SPACA1: variants seen among roughly 807,000 people sequenced by gnomAD.
The protein encoded by SPACA1 is sperm acrosome associated 1, also known as sperm acrosome membrane-associated protein 1.
In SPACA1, 17 loss-of-function variants were observed where a neutral mutation model predicts 32.6. The observed-to-expected ratio is 0.52, with a 90% CI of 0.36 to 0.78. SPACA1 has a LOEUF of 0.78. SPACA1 is among the 30% of genes least tolerant of loss of function. SPACA1 has a pLI of 0.01. For missense variants in SPACA1, 363 were observed against 373.4 expected (o/e 0.97, Z 0.23); for synonymous variants, 140 against 138.1 (o/e 1.01, Z -0.10).
chr6:88,054,799 GC>G (rs1562478633), intron 2 of SPACA1, among the ~76,000 whole-genome samples: 1 of 152,070 alleles, frequency 6.6e-6, no homozygotes, highest in Non-Finnish European at 1.5e-5. Flanking sequence ...ATTTGGAGAA[GC>G]TTTTTAAAAT....
chr6:88,060,624 A>C (rs1300500141), intron 5 of SPACA1, among the ~76,000 whole-genome samples: 7 of 152,212 alleles, frequency 4.6e-5, no homozygotes, highest in African/African-American at 1.7e-4. Flanking sequence ...AAAGCTAATA[A>C]TCTTATTCCT....
chr6:88,055,264 A>AT (rs1187931596), intron 2 of SPACA1, among the ~76,000 whole-genome samples: 1 of 152,154 alleles, frequency 6.6e-6, no homozygotes, highest in Admixed American at 6.5e-5. Context: ...TCAAATGATT[A>AT]TTTTTTTAAA....
intron 1 of SPACA1, among the ~76,000 whole-genome samples, chr6:88,050,345 G>C (rs1261835740): frequency 6.6e-6 from 1 of 151,992 alleles, no homozygotes; most frequent in African/African-American, 2.4e-5. Flanking sequence ...TTAAGTTAGA[G>C]AAAATTCATC....
chr6:88,062,976 T>C (rs1410491828), intron 5 of SPACA1, among the ~76,000 whole-genome samples: 1 of 152,198 alleles, frequency 6.6e-6, no homozygotes, highest in Non-Finnish European at 1.5e-5. Context: ...TTCTTAGACA[T>C]AATTCAGAAA....
rs1402125108 is a variant in SPACA1, at chr6:88,057,614, A to G, written c.268A>G (p.Ile90Val). The G allele has an allele frequency of 1.2e-6, 2 of 1,607,766 alleles. No individual in the cohort carries two copies. The highest frequency in any genetic ancestry group is 1.7e-6 in the Non-Finnish European group (2 of 1,174,372). Residue 90 changes from isoleucine to valine, a missense_variant and splice_region_variant, in exon 3 of 7, where the codon ATT (isoleucine) becomes GTT (valine). Coordinates refer to ENST00000237201, the MANE Select transcript of SPACA1 (RefSeq NM_030960.3). ...CCTTTTTAAATTTTAAACCAAAGGT[A>G]TTGGTGTTAGAGAAGTTATATTAAC... is the stretch of plus-strand genomic sequence containing the variant. Reference protein sequence around the residue: ...EFGMCTVTCGIGVREVILTNG... With the variant: ...EFGMCTVTCGVGVREVILTNG...
intron 5 of SPACA1, among the ~76,000 whole-genome samples, chr6:88,061,139 G>A (rs977214055): frequency 6.6e-6 from 1 of 152,202 alleles, no homozygotes; most frequent in Non-Finnish European, 1.5e-5. Flanking sequence ...TATGGTACTA[G>A]CATGAAACAA....
chr6:88,050,951 T>C (rs1279845611), intron 1 of SPACA1, among the ~76,000 whole-genome samples: 1 of 152,088 alleles, frequency 6.6e-6, no homozygotes, highest in Non-Finnish European at 1.5e-5. Flanking sequence ...ATCGAGAGCA[T>C]CCTGGCTAAC....
At chr6:88,053,425 C>T (rs1381119251) in intron 1 of SPACA1, among the ~76,000 whole-genome samples, 2 of 152,164 alleles carry the variant, frequency 1.3e-5, no homozygotes, top group South Asian at 4.1e-4. Context: ...CCTATACTAA[C>T]CTTGTAAAGT....
At position 88,066,363 on chromosome 6, in the gene SPACA1, G is replaced by C. The variant is rs768406368; in HGVS notation, c.*28G>C. On this transcript the variant is annotated 3_prime_UTR_variant, in exon 7 of 7. Transcript: ENST00000237201. ...TTTGAATGATATATAACAAACCAAAGGATATTACAGAATATTAGATTCATT... is the reference window on the plus strand; with the variant it reads ...TTTGAATGATATATAACAAACCAAACGATATTACAGAATATTAGATTCATT... 1 of 1,554,698 alleles carries C rather than the reference G, an allele frequency of 6.4e-7. No homozygotes were observed. Among genetic ancestry groups the C allele is most frequent in the Non-Finnish European group, 8.7e-7 (1 of 1,146,834 alleles).
At chr6:88,060,729 C>A (rs1303075114) in intron 5 of SPACA1, among the ~76,000 whole-genome samples, 3 of 152,124 alleles carry the variant, frequency 2.0e-5, no homozygotes, top group African/African-American at 7.2e-5. Flanking sequence ...AAAAATATCT[C>A]AACTAGCCCT....
intron 6 of SPACA1, 51 bp downstream of exon 6, chr6:88,064,270 C>G (rs768950093): frequency 1.5e-5 from 24 of 1,563,692 alleles, no homozygotes; most frequent in Non-Finnish European, 4.3e-6. Flanking sequence ...TCCTCTTCTT[C>G]CCCCTCCTCA....
At chr6:88,048,140 CA>C (rs1326003982) in intron 1 of SPACA1, 27 bp downstream of exon 1, 2 of 1,556,648 alleles carry the variant, frequency 1.3e-6, no homozygotes, top group Non-Finnish European at 1.7e-6. Context: ...CCTTGCGGGG[CA>C]CGCGGAGGCC....
At position 88,047,843 on chromosome 6, in the gene SPACA1, C is replaced by T; in HGVS notation, c.-63C>T. On this transcript the variant is annotated 5_prime_UTR_variant, in exon 1 of 7. It adds an upstream start codon to the 5' untranslated region. Coordinates refer to ENST00000237201, the MANE Select transcript of SPACA1 (RefSeq NM_030960.3). ...GGCGGGGTGTCGCAGCTCTCTTCGA[C>T]GTACCTGTCCTCAGGAGCCGCGGCG... 7.0e-7 allele frequency: 1 copy of T among 1,435,356 alleles called. No individual in the cohort carries two copies. Among genetic ancestry groups the T allele is most frequent in the Non-Finnish European group, 9.2e-7 (1 of 1,083,472 alleles). 88.9% of individuals were successfully genotyped at this position (1,435,356 alleles called of 1,614,324 possible). A position where few individuals can be genotyped will look rare whatever the true frequency, so the allele number is the denominator to read the frequency against.
Position 88,047,864 on chromosome 6 carries a change from C to A in SPACA1, c.-42C>A. The A allele has an allele frequency of 6.7e-7, 1 of 1,484,310 alleles. No homozygotes were observed. 91.9% of individuals were successfully genotyped at this position (1,484,310 alleles called of 1,614,324 possible). A position where few individuals can be genotyped will look rare whatever the true frequency, so the allele number is the denominator to read the frequency against. ...TCGACGTACCTGTCCTCAGGAGCCG[C>A]GGCGGCGACTGCGCCTCGGACGGCC... On this transcript the variant is annotated 5_prime_UTR_variant, in exon 1 of 7. Coordinates refer to ENST00000237201, the MANE Select transcript of SPACA1 (RefSeq NM_030960.3).
intron 4 of SPACA1, 74 bp downstream of exon 4, chr6:88,058,896 C>A: frequency 3.1e-6 from 3 of 957,820 alleles, no homozygotes; most frequent in Non-Finnish European, 4.6e-6. Context: ...TGATGGCTTT[C>A]AGAAAACTTT....
intron 6 of SPACA1, among the ~76,000 whole-genome samples, chr6:88,064,993 G>A (rs1775956781): frequency 6.8e-6 from 1 of 147,808 alleles, no homozygotes; most frequent in African/African-American, 2.5e-5. Flanking sequence ...TATTTTGTTT[G>A]TGATGCATAT....
chr6:88,049,653 TAAG>T (rs1178232692), intron 1 of SPACA1, among the ~76,000 whole-genome samples: 1 of 152,058 alleles, frequency 6.6e-6, no homozygotes, highest in African/African-American at 2.4e-5. Context: ...AATTTACAAA[TAAG>T]AATAAAGGGA....
At position 88,063,374 on chromosome 6, in the gene SPACA1, AT is replaced by A. The variant is rs1381514371; in HGVS notation, c.611-724del. The stretch of plus-strand genomic sequence containing the variant: ...GAGTATACCTAGTAATAATAAAAAA[AT>A]GATAGTTGCATATAACAGTATGGGT... On this transcript the variant is annotated intron_variant, in intron 5 of 6. Coordinates refer to ENST00000237201, the MANE Select transcript of SPACA1 (RefSeq NM_030960.3). Among the ~76,000 whole-genome samples the A allele has an allele frequency of 1.4e-4, 22 of 152,316 alleles. No homozygotes were observed. In the East Asian group the frequency reaches 2.9e-3, roughly 20 times the overall value.
chr6:88,056,032 A>G (rs1444239710), intron 2 of SPACA1, among the ~76,000 whole-genome samples: 1 of 151,886 alleles, frequency 6.6e-6, no homozygotes, highest in Non-Finnish European at 1.5e-5. Context: ...ATAGCATGTT[A>G]ATTACTTCGG....
Sources: allele counts gnomAD v4.1 joint callset (sites outside exome capture counted in the v4.1 genomes callset), GRCh38; gene constraint gnomAD v4.1.1; transcripts MANE v1.5; gene names NCBI Gene and HGNC (gene_info 2026-07-23, HGNC 2026-07-21).